MARK3: variants seen among roughly 807,000 people sequenced by gnomAD.
MARK3 encodes MAP/microtubule affinity-regulating kinase 3.
In MARK3, 46 loss-of-function variants were observed where a neutral mutation model predicts 90.1. The observed-to-expected ratio is 0.51, with a 90% CI of 0.40 to 0.65. The LOEUF (loss-of-function observed/expected upper bound fraction) is 0.65, where lower values mean the gene tolerates loss of function less well. MARK3 is among the 30% of genes least tolerant of loss of function. The probability of loss-of-function intolerance (pLI) is 0.00; values close to 1 mark genes in which losing one functional copy is unlikely to be tolerated. For missense variants in MARK3, 818 were observed against 947.2 expected, an observed-to-expected ratio of 0.86 and a Z score of 1.79; for synonymous variants, 321 against 332.6, an observed-to-expected ratio of 0.97 and a Z score of 0.38.
chr14:103,437,015 C>T (rs565162368), intron 3 of MARK3, among the ~76,000 whole-genome samples: 1 of 152,158 alleles, frequency 6.6e-6, no homozygotes, highest in South Asian at 2.1e-4. Flanking sequence ...ATCACTTGAA[C>T]CCAGGAGACG....
intron 14 of MARK3, among the ~76,000 whole-genome samples, chr14:103,483,153 T>C (rs1397977363): frequency 6.6e-6 from 1 of 152,222 alleles, no homozygotes; most frequent in East Asian, 1.9e-4. Context: ...GATGACTTCT[T>C]CGGCAAATTG....
At chr14:103,461,881 A>G (rs2141501711) in intron 6 of MARK3, among the ~76,000 whole-genome samples, 1 of 152,136 alleles carries the variant, frequency 6.6e-6, no homozygotes, top group East Asian at 1.9e-4. Flanking sequence ...TACTAAAAAT[A>G]CGAAATTGGC....
At chr14:103,437,445 T>C (rs960437561) in intron 3 of MARK3, among the ~76,000 whole-genome samples, 2 of 151,904 alleles carry the variant, frequency 1.3e-5, no homozygotes, top group Admixed American at 6.6e-5. Context: ...ATTTTAGAGA[T>C]TGATTGTTTG....
chr14:103,400,898 CA>C (rs34861063), intron 1 of MARK3, among the ~76,000 whole-genome samples: 1,972 of 70,030 alleles, frequency 0.028, 33 homozygotes, highest in African/African-American at 0.089. Flanking sequence ...GACCCTGTCT[CA>C]AAAAAAAAAA....
intron 17 of MARK3, 57 bp downstream of exon 17, chr14:103,500,257 G>T (rs1389618367): frequency 7.8e-7 from 1 of 1,289,948 alleles, no homozygotes. Context: ...CATTTCTGTG[G>T]CAGAGGCGAC....
intron 14 of MARK3, among the ~76,000 whole-genome samples, chr14:103,486,497 T>A (rs1030477780): frequency 1.0e-3 from 156 of 152,270 alleles, no homozygotes; most frequent in Non-Finnish European, 2.1e-3. Flanking sequence ...ACAAAAACTT[T>A]AAAAAAATTT....
chr14:103,397,626 G>T (rs1415634370), intron 1 of MARK3, among the ~76,000 whole-genome samples: 3 of 152,094 alleles, frequency 2.0e-5, no homozygotes, highest in Non-Finnish European at 4.4e-5. Context: ...CACCTGGCCT[G>T]AATCAAGATT....
At chr14:103,443,858 T>C (rs2092924404) in intron 3 of MARK3, among the ~76,000 whole-genome samples, 1 of 152,150 alleles carries the variant, frequency 6.6e-6, no homozygotes, top group Non-Finnish European at 1.5e-5. Context: ...GAGAGGGCCT[T>C]TGATGCACTC....
chr14:103,414,110 A>G (rs186793485), intron 2 of MARK3, among the ~76,000 whole-genome samples: 4 of 152,266 alleles, frequency 2.6e-5, no homozygotes, highest in Non-Finnish European at 5.9e-5. Flanking sequence ...CTGATTTTAT[A>G]TAACAGTATA....
At chr14:103,484,193 T>C (rs2093880362) in intron 14 of MARK3, among the ~76,000 whole-genome samples, 1 of 151,988 alleles carries the variant, frequency 6.6e-6, no homozygotes, top group Non-Finnish European at 1.5e-5. Flanking sequence ...TCTTTTTTTT[T>C]CTGCGATGGA....
In MARK3 at chr14:103,415,160, A is replaced by C. The variant is rs1250483639; in HGVS notation, c.243+9893A>C. 5.7e-4 allele frequency among the ~76,000 whole-genome samples: 86 copies of C among 150,560 alleles called. 4 individuals are homozygous for C. Among genetic ancestry groups the C allele is most frequent in the African/African-American group, 2.0e-3 (83 of 41,226 alleles). ...AGTAAGACCTTGTCTCAAAAAAAAAAAAAAAAAAAAAAAAAGATACTCATG... is the reference window on the plus strand; with the variant it reads ...AGTAAGACCTTGTCTCAAAAAAAAACAAAAAAAAAAAAAAAGATACTCATG... On this transcript the variant is annotated intron_variant, in intron 2 of 17. Transcript: ENST00000429436.
chr14:103,389,528 CAAAAAA>C (rs67737305), intron 1 of MARK3, among the ~76,000 whole-genome samples: 5 of 49,864 alleles, frequency 1.0e-4, no homozygotes, highest in Admixed American at 3.4e-4. Context: ...ACTCTGTCTC[CAAAAAA>C]AAAAAAAAAA....
chr14:103,388,517 T>C (rs1459433445), intron 1 of MARK3, among the ~76,000 whole-genome samples: 1 of 152,242 alleles, frequency 6.6e-6, no homozygotes, highest in Non-Finnish European at 1.5e-5. Flanking sequence ...GAGAACCTTT[T>C]TTCTTAAAGT....
chr14:103,451,345 T>G (rs1595738871), intron 4 of MARK3, among the ~76,000 whole-genome samples: 1 of 152,282 alleles, frequency 6.6e-6, no homozygotes, highest in East Asian at 1.9e-4. Flanking sequence ...AAAATGATTC[T>G]TATAAAAAAG....
intron 12 of MARK3, among the ~76,000 whole-genome samples, chr14:103,470,658 AT>A (rs1243414706): frequency 6.6e-6 from 1 of 151,286 alleles, no homozygotes; most frequent in Non-Finnish European, 1.5e-5. Context: ...GTTTCACCAC[AT>A]TTGGCCAGGC....
Position 103,451,909 on chromosome 14 carries a change from C to T in MARK3, c.347-9C>T. ...CTCTTTTTCTTCCGTGTCCTCTCCT[C>T]TCCCGCAGTGAAGTTATTCGAAGTC... On this transcript the variant is annotated splice_polypyrimidine_tract_variant and intron_variant, in intron 4 of 17. Transcript: ENST00000429436. The T allele has an allele frequency of 8.7e-6, 14 of 1,605,472 alleles. No homozygotes were observed. The highest frequency in any genetic ancestry group is 6.7e-5 in the East Asian group (3 of 44,772).
intron 1 of MARK3, among the ~76,000 whole-genome samples, chr14:103,392,449 A>G (rs1361261186): frequency 6.6e-6 from 1 of 152,160 alleles, no homozygotes; most frequent in Admixed American, 6.5e-5. Flanking sequence ...GGAATTTCTA[A>G]CAAGTTGCCA....
chr14:103,490,317 A>C (rs1225374211), intron 14 of MARK3: 4 of 152,232 alleles, frequency 2.6e-5, no homozygotes, highest in Admixed American at 2.6e-4. Context: ...GTCTCAAAAA[A>C]ACACCAAACA....
intron 2 of MARK3, chr14:103,412,508 G>T: frequency 1.9e-6 from 1 of 513,120 alleles, no homozygotes. Context: ...TGGCACCTCA[G>T]TGTCCACTTG....
Sources: gnomAD v4.1 joint callset for allele counts (sites outside exome capture counted in the v4.1 genomes callset) on GRCh38, gnomAD v4.1.1 for gene constraint, MANE v1.5 for transcripts, NCBI Gene and HGNC (gene_info 2026-07-23, HGNC 2026-07-21) for gene names.